RAB10: variants seen among roughly 807,000 people sequenced by gnomAD.
RAB10 encodes the protein RAB10, member RAS oncogene family.
A neutral mutation model predicts 25.7 loss-of-function variants in RAB10; 5 were observed. The ratio of observed to expected loss-of-function variants is 0.19; its 90% CI spans 0.10 to 0.41. RAB10 has a LOEUF of 0.41. Among genes scored for constraint, RAB10 ranks in the 10% least tolerant of loss-of-function variants. The pLI, the probability that RAB10 is intolerant of heterozygous loss-of-function variation, is 1.00. For missense variants in RAB10, 103 were observed against 245.8 expected (o/e 0.42, Z 3.89); for synonymous variants, 89 against 86.4 (o/e 1.03, Z -0.16).
chr2:26,052,384 T>A (rs1666157721), intron 1 of RAB10, among the ~76,000 whole-genome samples: 1 of 151,756 alleles, frequency 6.6e-6, no homozygotes, highest in African/African-American at 2.4e-5. Context: ...AGACGCATTC[T>A]CAAAGAAAAG....
intron 1 of RAB10, among the ~76,000 whole-genome samples, chr2:26,091,782 A>G (rs1307232011): frequency 6.6e-6 from 1 of 152,100 alleles, no homozygotes; most frequent in Non-Finnish European, 1.5e-5. Context: ...GATGAGGAGA[A>G]ACCAGCAATG....
upstream of RAB10, among the ~76,000 whole-genome samples, chr2:26,033,878 T>C (rs911254217): frequency 9.2e-5 from 14 of 152,146 alleles, no homozygotes; most frequent in Admixed American, 7.2e-4. Flanking sequence ...GCGCACCCTA[T>C]CAGGCGGCCA....
At chr2:26,061,092 C>CTTTTTTTTTT (rs5829993) in intron 1 of RAB10, among the ~76,000 whole-genome samples, 5 of 83,634 alleles carry the variant, frequency 6.0e-5, no homozygotes, top group South Asian at 5.7e-4. Flanking sequence ...TTATCTCTGT[C>CTTTTTTTTTT]TTTTTTTTTT....
At chr2:26,061,199 C>T (rs945072123) in intron 1 of RAB10, among the ~76,000 whole-genome samples, 5 of 145,340 alleles carry the variant, frequency 3.4e-5, no homozygotes, top group African/African-American at 7.6e-5. Context: ...ACTGCAACCT[C>T]TGCCTCCCGG....
At chr2:26,130,350 CA>C (rs987589567) in intron 5 of RAB10, among the ~76,000 whole-genome samples, 3 of 151,764 alleles carry the variant, frequency 2.0e-5, no homozygotes, top group African/African-American at 7.3e-5. Flanking sequence ...CTGTGTTTCC[CA>C]GGCTGAAGTG....
At chr2:26,043,265 C>A (rs905476254) in intron 1 of RAB10, among the ~76,000 whole-genome samples, 4 of 152,142 alleles carry the variant, frequency 2.6e-5, no homozygotes, top group Admixed American at 6.6e-5. Flanking sequence ...CCAAGAAACC[C>A]CCCAAAATTA....
At chr2:26,126,569 G>A (rs1471717626) in intron 3 of RAB10, among the ~76,000 whole-genome samples, 1 of 152,130 alleles carries the variant, frequency 6.6e-6, no homozygotes, top group African/African-American at 2.4e-5. Context: ...CTCCAGCCTG[G>A]GCAACAGAGC....
intron 1 of RAB10, among the ~76,000 whole-genome samples, chr2:26,088,046 T>G (rs988425829): frequency 6.6e-6 from 1 of 152,236 alleles, no homozygotes; most frequent in Non-Finnish European, 1.5e-5. Flanking sequence ...GGTGTATGAT[T>G]ATTTCCTTTC....
intron 1 of RAB10, among the ~76,000 whole-genome samples, chr2:26,062,483 G>C (rs1024112410): frequency 1.3e-5 from 2 of 151,978 alleles, no homozygotes; most frequent in African/African-American, 4.8e-5. Context: ...TTTGAGACCA[G>C]CATGGTCAAC....
At chr2:26,126,820 A>G (rs549990774) in intron 3 of RAB10, among the ~76,000 whole-genome samples, 38 of 152,316 alleles carry the variant, frequency 2.5e-4, no homozygotes, top group African/African-American at 8.9e-4. Context: ...AAAATCTGAA[A>G]TGATCCAGCC....
At chr2:26,049,037 G>A (rs774218689) in intron 1 of RAB10, among the ~76,000 whole-genome samples, 7 of 152,026 alleles carry the variant, frequency 4.6e-5, no homozygotes, top group African/African-American at 7.2e-5. Context: ...CTCTCTTTTT[G>A]TGGATCATGC....
In RAB10 at chr2:26,114,737, C is replaced by CAAAAAAAAAAA. The variant is rs58252306; in HGVS notation, c.327+4839_327+4849dup. Among the ~76,000 whole-genome samples, 165 of 66,032 alleles carry CAAAAAAAAAAA rather than the reference C, an allele frequency of 2.5e-3. 1 individual carries two copies. Among genetic ancestry groups the CAAAAAAAAAAA allele is most frequent in the African/African-American group, 8.6e-3 (157 of 18,338 alleles). The allele number at this position is 66,032 out of a possible 152,430, so 43.3% of individuals were successfully genotyped here. A position where few individuals can be genotyped will look rare whatever the true frequency, so the allele number is the denominator to read the frequency against. On this transcript the variant is annotated intron_variant, in intron 3 of 5. Transcript: ENST00000264710. ...GAAACCCCATCTCTACAAAAATATACAAAAAAAAAAAAAAAAAATTAGTCG... is the reference window on the plus strand; with the variant it reads ...GAAACCCCATCTCTACAAAAATATACAAAAAAAAAAAAAAAAAAAAAAAAAAAAATTAGTCG...
At chr2:26,118,122 G>A (rs1455299275) in intron 3 of RAB10, among the ~76,000 whole-genome samples, 1 of 151,932 alleles carries the variant, frequency 6.6e-6, no homozygotes, top group Non-Finnish European at 1.5e-5. Flanking sequence ...ACAGGCGTGT[G>A]CCACCACGCC....
intron 1 of RAB10, among the ~76,000 whole-genome samples, chr2:26,083,770 C>T (rs746914127): frequency 1.6e-4 from 24 of 152,214 alleles, no homozygotes; most frequent in African/African-American, 2.6e-4. Flanking sequence ...CTGCCCACGC[C>T]GGCCCCACAA....
intron 1 of RAB10, among the ~76,000 whole-genome samples, chr2:26,047,423 G>T (rs1666036091): frequency 3.4e-5 from 4 of 119,110 alleles, no homozygotes; most frequent in Admixed American, 3.3e-4. Flanking sequence ...TTGTTTGTTT[G>T]TTTTTTTATT....
At chr2:26,102,500 G>A (rs906988820) in intron 2 of RAB10, among the ~76,000 whole-genome samples, 9 of 148,346 alleles carry the variant, frequency 6.1e-5, no homozygotes, top group African/African-American at 1.3e-4. Context: ...GTGCAGTGGC[G>A]CTATCTCGGC....
chr2:26,092,167 G>A (rs1489119900), intron 1 of RAB10, among the ~76,000 whole-genome samples: 6 of 148,542 alleles, frequency 4.0e-5, no homozygotes, highest in African/African-American at 1.2e-4. Flanking sequence ...GTGAGACTGT[G>A]TCTCAGAAAA....
chr2:26,106,691 G>A (rs2149282852), intron 2 of RAB10, among the ~76,000 whole-genome samples: 1 of 152,032 alleles, frequency 6.6e-6, no homozygotes, highest in East Asian at 1.9e-4. Flanking sequence ...TTTGAGATCA[G>A]CCTGGCCAAC....
intron 1 of RAB10, among the ~76,000 whole-genome samples, chr2:26,062,823 A>G (rs145752751): frequency 6.6e-6 from 1 of 152,210 alleles, no homozygotes; most frequent in African/African-American, 2.4e-5. Context: ...TCAAGAATCT[A>G]AGTTATCTTG....
Sources: gnomAD v4.1 joint callset for allele counts (sites outside exome capture counted in the v4.1 genomes callset) on GRCh38, gnomAD v4.1.1 for gene constraint, MANE v1.5 for transcripts, NCBI Gene and HGNC (gene_info 2026-07-23, HGNC 2026-07-21) for gene names.